The following KDM5D variants were observed in gnomAD, a reference collection of about 807,000 sequenced individuals.
KDM5D encodes lysine-specific demethylase 5D.
A neutral mutation model predicts 31.9 loss-of-function variants in KDM5D; 25 were observed. The observed-to-expected ratio is 0.78, with a 90% CI of 0.57 to 1.09. KDM5D has a LOEUF of 1.09. KDM5D is among the 50% of genes least tolerant of loss of function. The probability of loss-of-function intolerance (pLI) is 0.00; values close to 1 mark genes in which losing one functional copy is unlikely to be tolerated. For missense variants in KDM5D, 366 were observed against 341.6 expected (o/e 1.07, Z -0.56); for synonymous variants, 146 against 122.3 (o/e 1.19, Z -1.28).
chrY:19,708,352 C>A lies in KDM5D; in HGVS notation c.3153G>T (p.Gly1051=). The A allele has an allele frequency of 2.5e-6, 1 of 395,442 alleles. No homozygotes were observed. The highest frequency in any genetic ancestry group is 3.6e-6 in the Non-Finnish European group (1 of 281,279). Reference sequence around the variant, plus strand: ...GCTCTAGCTGTCTCAGCTCTTCCAGCCCCACAGGCAGGTCCCGGCCCACAG... The same window carrying A: ...GCTCTAGCTGTCTCAGCTCTTCCAGACCCACAGGCAGGTCCCGGCCCACAG... ...LVAVGRDLPV[G]LEELRQLELQ... Residue 1051 remains glycine (G), a synonymous_variant, in exon 22 of 27, where the codon GGG becomes GGT. Transcript: ENST00000317961.
chrY:19,721,303 C>T lies in KDM5D; in HGVS notation c.1380G>A (p.Ala460=). ...TCACATTCAGGTTCCAACCACTGGT[C>T]GCATACTCCTGTTGGGTCAGAGATT... ...QNLSPEEKEY[A]TSGWNLNVMP... Residue 460 remains alanine, a synonymous_variant, in exon 12 of 27, where the codon GCG becomes GCA. Coordinates refer to ENST00000317961, the MANE Select transcript of KDM5D (RefSeq NM_004653.5). 6 of 396,456 alleles carry T rather than the reference C, an allele frequency of 1.5e-5. No individual in the cohort carries two copies. Among genetic ancestry groups the T allele is most frequent in the Non-Finnish European group, 2.1e-5 (6 of 281,697 alleles).
At chrY:19,742,526 TA>T in intron 3 of KDM5D, among the ~76,000 whole-genome samples, 1 of 34,115 alleles carries the variant, frequency 2.9e-5, no homozygotes, top group Non-Finnish European at 7.3e-5. Context: ...GTTAAAGAAC[TA>T]AAAAAAATTT....
At chrY:19,730,783 C>T (rs963892624) in intron 11 of KDM5D, among the ~76,000 whole-genome samples, 4 of 33,239 alleles carry the variant, frequency 1.2e-4, no homozygotes, top group Admixed American at 2.8e-4. Flanking sequence ...CAAATTAGTG[C>T]GACACTATTG....
At chrY:19,729,085 C>T in intron 11 of KDM5D, among the ~76,000 whole-genome samples, 7 of 31,145 alleles carry the variant, frequency 2.2e-4, no homozygotes, top group East Asian at 8.3e-4. Context: ...TGGTGGTGGA[C>T]GCCTGTAATC....
chrY:19,736,157 A>G, intron 6 of KDM5D, among the ~76,000 whole-genome samples: 1 of 33,391 alleles, frequency 3.0e-5, no homozygotes, highest in Non-Finnish European at 7.4e-5. Context: ...CATTAGAATC[A>G]TAACTGCTTT....
chrY:19,728,558 CTG>C (rs2045449919), intron 11 of KDM5D, among the ~76,000 whole-genome samples: 1 of 32,285 alleles, frequency 3.1e-5, no homozygotes, highest in African/African-American at 1.2e-4. Context: ...CATGGTTTCA[CTG>C]TGTTAGCCAG....
At chrY:19,728,642 G>C in intron 11 of KDM5D, among the ~76,000 whole-genome samples, 1 of 33,140 alleles carries the variant, frequency 3.0e-5, no homozygotes, top group Non-Finnish European at 7.4e-5. Context: ...ACAGGCGTGA[G>C]CCACTGCGCC....
chrY:19,709,560 C>T lies in KDM5D; in HGVS notation c.2833G>A (p.Ala945Thr). 5.0e-6 allele frequency: 2 copies of T among 396,772 alleles called. No individual in the cohort carries two copies. The highest frequency in any genetic ancestry group is 1.3e-4 in the African/African-American group (2 of 15,659). The change falls in exon 20 of 27, where the codon GCC (alanine) becomes ACC (threonine). Residue 945 changes from alanine to threonine, a missense_variant. Transcript: ENST00000317961. Reference protein sequence around the residue: ...VIMQGLLVMGAKIASSPSVDK... With the variant: ...VIMQGLLVMGTKIASSPSVDK... ...ACAGAAGGGCTGGAGGCTATCTTGGCACCCATAACCAAAAGCCCCTGCATG... is the reference window on the plus strand; with the variant it reads ...ACAGAAGGGCTGGAGGCTATCTTGGTACCCATAACCAAAAGCCCCTGCATG...
chrY:19,735,425 T>C lies in KDM5D; in HGVS notation c.860A>G (p.Lys287Arg). 1 of 397,671 alleles carries C rather than the reference T, an allele frequency of 2.5e-6. No individual in the cohort carries two copies. Among genetic ancestry groups the C allele is most frequent in the South Asian group, 3.0e-5 (1 of 33,743 alleles). ...GGGNVSSTLL[K>R]QHLSLEPCTK... ...GCAGGGCTCTAGGCTCAAGTGCTGC[T>C]TGAGCAATGTTGATGACACGTTCCC... Residue 287 changes from lysine (K) to arginine (R), a missense_variant, in exon 8 of 27, where the codon AAG becomes AGG. By Grantham distance (26) the Lys-to-Arg change is conservative (BLOSUM62 2). Transcript: ENST00000317961.
chrY:19,709,769 C>G lies in KDM5D; in HGVS notation c.2624G>C (p.Arg875Pro). Residue 875 changes from arginine to proline, a missense_variant, in exon 20 of 27, where the codon CGT becomes CCT. Physicochemically the swap from Arg to Pro is moderately radical, Grantham distance 103. Transcript: ENST00000317961. The stretch of plus-strand genomic sequence containing the variant: ...AGAGGGCAGTGTGGCCAGAGCCTCA[C>G]GAGCCTCAGCTTGATAGGCCTCCAC... ...EQVEAYQAEA[R>P]EALATLPSSP... 2.5e-6 allele frequency: 1 copy of G among 397,645 alleles called. No individual in the cohort carries two copies. Among genetic ancestry groups the G allele is most frequent in the Non-Finnish European group, 3.5e-6 (1 of 282,746 alleles).
At chrY:19,713,415 T>C in intron 18 of KDM5D, among the ~76,000 whole-genome samples, 1 of 33,820 alleles carries the variant, frequency 3.0e-5, no homozygotes, top group South Asian at 6.6e-4. Flanking sequence ...AAGGGTCTAA[T>C]ATCCAGCATC....
In KDM5D at chrY:19,705,243, A is replaced by T. The variant is rs2045219130; in HGVS notation, c.*752T>A. 3.0e-5 allele frequency: 1 copy of T among 33,627 alleles called. No homozygotes were observed. The highest frequency in any genetic ancestry group is 7.3e-5 in the Non-Finnish European group (1 of 13,619). 8.4% of individuals were successfully genotyped at this position (33,627 alleles called of 400,897 possible). On this transcript the variant is annotated 3_prime_UTR_variant, in exon 27 of 27. Coordinates refer to ENST00000317961, the MANE Select transcript of KDM5D (RefSeq NM_004653.5). ...CTATTGCTGGTGCTGGGTCAACTGGACATCCTTTGAGAAAACATTAACCTT... is the reference window on the plus strand; with the variant it reads ...CTATTGCTGGTGCTGGGTCAACTGGTCATCCTTTGAGAAAACATTAACCTT...
Position 19,732,698 on chromosome Y carries a change from A to C in KDM5D, c.978T>G (p.Asp326Glu). The C allele has an allele frequency of 2.6e-6, 1 of 387,750 alleles. No individual in the cohort carries two copies. The highest frequency in any genetic ancestry group is 7.0e-5 in the African/African-American group (1 of 14,211). Reference protein sequence around the residue: ...ICQVCSRGDEDDKLLFCDGCD... With the variant: ...ICQVCSRGDEEDKLLFCDGCD... ...AGCCATCACAGAAAAGAAGCTTATC[A>C]TCTTCATCCCCACGGGAGCATACTT... is the stretch of plus-strand genomic sequence containing the variant. Residue 326 changes from aspartate to glutamate, a missense_variant, in exon 9 of 27, where the codon GAT (aspartate) becomes GAG (glutamate). Coordinates refer to ENST00000317961, the MANE Select transcript of KDM5D (RefSeq NM_004653.5).
At chrY:19,715,560 C>G in intron 17 of KDM5D, 55 bp downstream of exon 17, 1 of 397,743 alleles carries the variant, frequency 2.5e-6, no homozygotes, top group Non-Finnish European at 3.5e-6. Flanking sequence ...TTGAGAATAC[C>G]CAAAAGAAAG....
At chrY:19,721,457 A>G in intron 11 of KDM5D, 146 bp from the exon 12 acceptor site, 2 of 152,425 alleles carry the variant, frequency 1.3e-5, no homozygotes, top group Non-Finnish European at 2.4e-5. Flanking sequence ...CATATTGTAA[A>G]CTCAAAAATA....
chrY:19,706,829 G>T lies in KDM5D; in HGVS notation c.4034C>A (p.Thr1345Asn). 1 of 397,674 alleles carries T rather than the reference G, an allele frequency of 2.5e-6. No individual in the cohort carries two copies. Among genetic ancestry groups the T allele is most frequent in the Non-Finnish European group, 3.5e-6 (1 of 282,546 alleles). ...TCCTGGAGCCATGTTCTCAGGACTG[G>T]TCACACTGTCTCCATTCTCCAGCAG... ...QGLLENGDSV[T>N]SPENMAPGKG... The change falls in exon 25 of 27, where the codon ACC becomes AAC. Residue 1345 changes from threonine (T) to asparagine (N), a missense_variant. Thr to Asn is a moderately conservative substitution (Grantham distance 65). Coordinates refer to ENST00000317961, the MANE Select transcript of KDM5D (RefSeq NM_004653.5).
Position 19,716,186 on chromosome Y carries a change from G to GT in KDM5D, c.2031+92_2031+93insA, listed in dbSNP as rs2032623. The GT allele has an allele frequency of 1.3e-3, 349 of 261,937 alleles. No individual in the cohort carries two copies. The African/African-American group carries it at 0.023, about 17-fold the overall frequency. The allele number at this position is 261,937 out of a possible 400,897, so 65.3% of individuals were successfully genotyped here. ...TACATTTCAAAATGCATGACTTAAA[G>GT]ATCAGGCACACAGTGGTTACTCAAT... On this transcript the variant is annotated intron_variant, in intron 15 of 26. Coordinates refer to ENST00000317961, the MANE Select transcript of KDM5D (RefSeq NM_004653.5).
intron 6 of KDM5D, among the ~76,000 whole-genome samples, chrY:19,736,676 T>C: frequency 3.0e-5 from 1 of 33,268 alleles, no homozygotes; most frequent in Non-Finnish European, 7.4e-5. Context: ...ATATACCTTA[T>C]ATGGTTTTGA....
chrY:19,737,169 T>C, intron 6 of KDM5D, among the ~76,000 whole-genome samples: 1 of 34,077 alleles, frequency 2.9e-5, no homozygotes, highest in Non-Finnish European at 7.3e-5. Flanking sequence ...CATTAGTACC[T>C]ATGTACTTGC....
Sources: allele counts gnomAD v4.1 joint callset (sites outside exome capture counted in the v4.1 genomes callset), GRCh38; gene constraint gnomAD v4.1.1; transcripts MANE v1.5; gene names NCBI Gene and HGNC (gene_info 2026-07-23, HGNC 2026-07-21).